HMGN3: variants seen among roughly 807,000 people sequenced by gnomAD.
The protein encoded by HMGN3 is high mobility group nucleosomal binding domain 3, also known as high mobility group nucleosome-binding domain-containing protein 3.
A neutral mutation model predicts 18.8 loss-of-function variants in HMGN3; 6 were observed. The observed-to-expected ratio is 0.32, with a 90% confidence interval of 0.18 to 0.63. HMGN3 has a LOEUF of 0.63. Among genes scored for constraint, HMGN3 ranks in the 30% least tolerant of loss-of-function variants. The pLI is 0.79. For missense variants in HMGN3, 107 were observed against 114.2 expected, an observed-to-expected ratio of 0.94 and a Z score of 0.29; for synonymous variants, 40 against 36.5, an observed-to-expected ratio of 1.10 and a Z score of -0.35.
chr6:79,214,933 T>A, intron 2 of HMGN3, 39 bp downstream of exon 2: 1 of 1,064,270 alleles, frequency 9.4e-7, no homozygotes, highest in Non-Finnish European at 1.4e-6. Context: ...AACATTTCAA[T>A]GTAAATAATT....
chr6:79,226,229 G>A (rs1050924336), intron 1 of HMGN3, among the ~76,000 whole-genome samples: 1 of 152,146 alleles, frequency 6.6e-6, no homozygotes, highest in African/African-American at 2.4e-5. Flanking sequence ...AAGGCTGCAG[G>A]GTTCACTGGT....
chr6:79,221,468 G>A (rs913707027), intron 1 of HMGN3, among the ~76,000 whole-genome samples: 1 of 152,208 alleles, frequency 6.6e-6, no homozygotes, highest in Non-Finnish European at 1.5e-5. Flanking sequence ...CTTTCCAGCA[G>A]TCCCTATCAG....
At chr6:79,216,626 T>A (rs1399529522) in intron 1 of HMGN3, among the ~76,000 whole-genome samples, 1 of 152,220 alleles carries the variant, frequency 6.6e-6, no homozygotes, top group Non-Finnish European at 1.5e-5. Flanking sequence ...CGTGGAACCT[T>A]CTCAATTATG....
At chr6:79,218,473 T>C (rs1228538458) in intron 1 of HMGN3, among the ~76,000 whole-genome samples, 2 of 152,158 alleles carry the variant, frequency 1.3e-5, no homozygotes, top group Non-Finnish European at 2.9e-5. Flanking sequence ...TCAAATAATA[T>C]GTAGCAGTGA....
intron 4 of HMGN3, among the ~76,000 whole-genome samples, chr6:79,202,824 A>G (rs937174624): frequency 1.3e-5 from 2 of 152,198 alleles, no homozygotes; most frequent in African/African-American, 2.4e-5. Flanking sequence ...TGTGGCTTGC[A>G]TGACTAGAAA....
chr6:79,226,517 T>C (rs1392118314), intron 1 of HMGN3, among the ~76,000 whole-genome samples: 1 of 152,172 alleles, frequency 6.6e-6, no homozygotes, highest in Non-Finnish European at 1.5e-5. Flanking sequence ...AAATGAAAAA[T>C]GAAATTATAG....
chr6:79,216,988 A>G (rs1777020635), intron 1 of HMGN3, among the ~76,000 whole-genome samples: 3 of 152,238 alleles, frequency 2.0e-5, no homozygotes, highest in Admixed American at 2.0e-4. Flanking sequence ...CATTATTTTC[A>G]TATTTTTCTA....
chr6:79,212,452 AAGC>A (rs1462044586), intron 2 of HMGN3, among the ~76,000 whole-genome samples: 1 of 152,188 alleles, frequency 6.6e-6, no homozygotes, highest in African/African-American at 2.4e-5. Context: ...AGCTCCATGA[AAGC>A]AGCGATTTTT....
intron 1 of HMGN3, among the ~76,000 whole-genome samples, chr6:79,221,624 A>G (rs1777288342): frequency 6.6e-6 from 1 of 152,152 alleles, no homozygotes. Context: ...TCTCCCTCCA[A>G]ACTCAAGAAG....
chr6:79,212,554 T>C (rs572949513), intron 2 of HMGN3, among the ~76,000 whole-genome samples: 154 of 152,358 alleles, frequency 1.0e-3, no homozygotes, highest in Non-Finnish European at 1.7e-3. Context: ...AGGAATAATC[T>C]GCCTTCCTCT....
intron 1 of HMGN3, among the ~76,000 whole-genome samples, chr6:79,227,188 T>A (rs1777602410): frequency 6.6e-6 from 1 of 152,162 alleles, no homozygotes; most frequent in Admixed American, 6.5e-5. Context: ...GAGAAAAATA[T>A]AGGAAAAGAG....
chr6:79,233,910 TC>T, intron 1 of HMGN3: 1 of 152,334 alleles, frequency 6.6e-6, no homozygotes, highest in Non-Finnish European at 1.5e-5. Flanking sequence ...ACTCCACCGC[TC>T]CCGCCCCGAA....
At chr6:79,218,702 A>T (rs1777114000) in intron 1 of HMGN3, among the ~76,000 whole-genome samples, 1 of 152,210 alleles carries the variant, frequency 6.6e-6, no homozygotes. Flanking sequence ...GGAAAGACAA[A>T]GTCATTGGTA....
intron 1 of HMGN3, among the ~76,000 whole-genome samples, chr6:79,228,376 C>T (rs1243653962): frequency 6.6e-6 from 1 of 152,174 alleles, no homozygotes; most frequent in African/African-American, 2.4e-5. Flanking sequence ...ATGTACAGCC[C>T]TGCCATTTTG....
At chr6:79,222,861 G>T (rs1301085656) in intron 1 of HMGN3, among the ~76,000 whole-genome samples, 1 of 152,042 alleles carries the variant, frequency 6.6e-6, no homozygotes, top group African/African-American at 2.4e-5. Flanking sequence ...TTATTTTATT[G>T]TTCAAGATAA....
chr6:79,230,605 T>C (rs1232242694), intron 1 of HMGN3, among the ~76,000 whole-genome samples: 1 of 152,216 alleles, frequency 6.6e-6, no homozygotes, highest in Admixed American at 6.5e-5. Flanking sequence ...CTTTGATTTC[T>C]AGTAAAACCA....
chr6:79,223,011 T>A (rs1285657698), intron 1 of HMGN3, among the ~76,000 whole-genome samples: 1 of 152,244 alleles, frequency 6.6e-6, no homozygotes, highest in Non-Finnish European at 1.5e-5. Context: ...AAGAAAGTTG[T>A]GTGCCAGTAT....
chr6:79,233,149 G>A lies in HMGN3; in HGVS notation c.15+1397C>T, dbSNP rs111880564. ...TCTTTACTAGTAGTTATTGGTTGGT[G>A]AGATGCAGGACAATTTATGTCTTTA... On this transcript the variant is annotated intron_variant, in intron 1 of 5. Coordinates refer to ENST00000344726, the Ensembl canonical transcript of HMGN3. 2.0e-3 allele frequency among the ~76,000 whole-genome samples: 302 copies of A among 152,298 alleles called. 1 individual carries two copies. In the Middle Eastern group the frequency reaches 0.031, roughly 15 times the overall value.
At chr6:79,213,319 T>C (rs1389508341) in intron 2 of HMGN3, among the ~76,000 whole-genome samples, 2 of 152,128 alleles carry the variant, frequency 1.3e-5, no homozygotes, top group Admixed American at 6.6e-5. Flanking sequence ...ATATCCTTTA[T>C]ATATACATTC....
Sources: allele counts gnomAD v4.1 joint callset (sites outside exome capture counted in the v4.1 genomes callset), GRCh38; gene constraint gnomAD v4.1.1; transcripts MANE v1.5; gene names NCBI Gene and HGNC (gene_info 2026-07-23, HGNC 2026-07-21).